The following NHEJ1 variants were observed in gnomAD, a reference collection of about 807,000 sequenced individuals.
NHEJ1 encodes the protein non-homologous end joining factor 1.
A neutral mutation model predicts 39.4 loss-of-function variants in NHEJ1; 22 were observed. The ratio of observed to expected loss-of-function variants is 0.56; its 90% CI spans 0.40 to 0.80. NHEJ1 has a LOEUF of 0.80. NHEJ1 is among the 30% of genes least tolerant of loss of function. The pLI is 0.00. For missense variants in NHEJ1, 329 were observed against 357.1 expected, an observed-to-expected ratio of 0.92 and a Z score of 0.63; for synonymous variants, 154 against 135.6, an observed-to-expected ratio of 1.14 and a Z score of -0.94.
intron 5 of NHEJ1, among the ~76,000 whole-genome samples, chr2:219,120,664 C>T (rs1205478097): frequency 6.6e-6 from 1 of 152,106 alleles, no homozygotes; most frequent in Non-Finnish European, 1.5e-5. Context: ...CCTAGGATTG[C>T]TAGCTTAAAT....
At chr2:219,134,989 G>A (rs951107685) in intron 5 of NHEJ1, among the ~76,000 whole-genome samples, 2 of 138,582 alleles carry the variant, frequency 1.4e-5, no homozygotes, top group African/African-American at 2.7e-5. Context: ...GCAGTGAGCC[G>A]AGATCGTGCC....
rs111883985 is a variant in NHEJ1, at chr2:219,071,494, G to A, written c.*4887C>T. On this transcript the variant is annotated 3_prime_UTR_variant, in exon 8 of 8. Transcript: ENST00000356853. Reference sequence around the variant, plus strand: ...ATTAACCATGTTAGACAACAATGCCGAGCTGGGATGGGCTTCCCCTTCCAG... The same window carrying A: ...ATTAACCATGTTAGACAACAATGCCAAGCTGGGATGGGCTTCCCCTTCCAG... Among the ~76,000 whole-genome samples, 3 of 152,278 alleles carry A rather than the reference G, an allele frequency of 2.0e-5. No homozygotes were observed. Among genetic ancestry groups the A allele is most frequent in the African/African-American group, 4.8e-5 (2 of 41,532 alleles).
In NHEJ1 at chr2:219,105,861, T is replaced by C. The variant is rs185508739; in HGVS notation, c.589-27655A>G. On this transcript the variant is annotated intron_variant, in intron 5 of 7. Transcript: ENST00000356853. ...GGACCTATATTTGCTCTCATTTCGT[T>C]CTATACTGTATTTCAATTCAGTATT... Among the ~76,000 whole-genome samples the C allele has an allele frequency of 4.2e-3, 638 of 152,360 alleles. 5 individuals are homozygous for C. The highest frequency in any genetic ancestry group is 6.6e-3 in the Non-Finnish European group (448 of 68,040).
intron 5 of NHEJ1, among the ~76,000 whole-genome samples, chr2:219,132,827 T>C (rs901363896): frequency 6.6e-6 from 1 of 152,306 alleles, no homozygotes; most frequent in South Asian, 2.1e-4. Context: ...TCAGGTACCA[T>C]ATATATAAAT....
intron 5 of NHEJ1, among the ~76,000 whole-genome samples, chr2:219,146,023 GAGA>G (rs374904500): frequency 2.0e-5 from 3 of 152,118 alleles, no homozygotes; most frequent in African/African-American, 7.2e-5. Flanking sequence ...GGGAGGGAAG[GAGA>G]AGATCAATAT....
At chr2:219,156,898 G>C (rs936372931) in intron 3 of NHEJ1, among the ~76,000 whole-genome samples, 1 of 152,158 alleles carries the variant, frequency 6.6e-6, no homozygotes, top group Non-Finnish European at 1.5e-5. Flanking sequence ...AAACTCATTA[G>C]AATCCTTCAA....
intron 5 of NHEJ1, among the ~76,000 whole-genome samples, chr2:219,110,470 C>T (rs1443845283): frequency 6.6e-6 from 1 of 151,028 alleles, no homozygotes; most frequent in African/African-American, 2.4e-5. Context: ...CTGCAGTGAG[C>T]TGTGTTTGCA....
intron 5 of NHEJ1, among the ~76,000 whole-genome samples, chr2:219,130,577 G>A (rs1413597909): frequency 1.3e-5 from 2 of 152,260 alleles, no homozygotes; most frequent in African/African-American, 2.4e-5. Context: ...AGTTACGAGC[G>A]CTTGGAGAGA....
At chr2:219,115,745 T>G (rs1303004096) in intron 5 of NHEJ1, among the ~76,000 whole-genome samples, 5 of 152,242 alleles carry the variant, frequency 3.3e-5, no homozygotes, top group African/African-American at 7.2e-5. Flanking sequence ...TCATGTGGGC[T>G]GTCTCCGCAT....
At chr2:219,154,620 T>C (rs887200480) in intron 3 of NHEJ1, among the ~76,000 whole-genome samples, 3 of 152,154 alleles carry the variant, frequency 2.0e-5, no homozygotes, top group Non-Finnish European at 4.4e-5. Flanking sequence ...ACTTTTTCCA[T>C]ATAAAGCTCT....
intron 5 of NHEJ1, among the ~76,000 whole-genome samples, chr2:219,121,703 A>G (rs1949472954): frequency 6.6e-6 from 1 of 151,926 alleles, no homozygotes; most frequent in Non-Finnish European, 1.5e-5. Flanking sequence ...TCAGCTGGAC[A>G]TGCTCCTAGC....
chr2:219,074,423 T>C lies in NHEJ1; in HGVS notation c.*1958A>G, dbSNP rs775782297. ...TCCATGTGCCTTGTAGATACTGAAA[T>C]CTGACTATCTAAATTATGCTGAAAA... On this transcript the variant is annotated 3_prime_UTR_variant, in exon 8 of 8. Transcript: ENST00000356853. Among the ~76,000 whole-genome samples the C allele has an allele frequency of 1.3e-5, 2 of 152,076 alleles. No individual in the cohort carries two copies. The highest frequency in any genetic ancestry group is 2.4e-5 in the African/African-American group (1 of 41,398).
In NHEJ1 at chr2:219,076,557, CTTTTTTTTTTTT is replaced by C. The variant is rs778354452; in HGVS notation, c.826-114_826-103del. 8.3e-5 allele frequency: 38 copies of C among 457,734 alleles called. 1 individual carries two copies. The highest frequency in any genetic ancestry group is 6.5e-4 in the Middle Eastern group (1 of 1,542). 28.4% of individuals were successfully genotyped at this position (457,734 alleles called of 1,614,324 possible). A position where few individuals can be genotyped will look rare whatever the true frequency, so the allele number is the denominator to read the frequency against. Reference sequence around the variant, plus strand: ...TCATGGCTCCTGGTTAGGATGAGGCCTTTTTTTTTTTTTTTTTTTTTTTCCACCCAGGCTGGA... The same window carrying C: ...TCATGGCTCCTGGTTAGGATGAGGCCTTTTTTTTTTTCCACCCAGGCTGGA... On this transcript the variant is annotated intron_variant, in intron 7 of 7. Coordinates refer to ENST00000356853, the MANE Select transcript of NHEJ1 (RefSeq NM_024782.3).
chr2:219,120,661 T>C (rs1949463006), intron 5 of NHEJ1, among the ~76,000 whole-genome samples: 1 of 152,180 alleles, frequency 6.6e-6, no homozygotes, highest in Admixed American at 6.5e-5. Flanking sequence ...ATACCTAGGA[T>C]TGCTAGCTTA....
At chr2:219,080,638 AGCTTATATATAT>A (rs1253958744) in intron 5 of NHEJ1, among the ~76,000 whole-genome samples, 2 of 138,322 alleles carry the variant, frequency 1.4e-5, no homozygotes, top group Admixed American at 7.2e-5. Flanking sequence ...AATATATATA[AGCTTATATATAT>A]GCTAATATAT....
intron 5 of NHEJ1, among the ~76,000 whole-genome samples, chr2:219,080,418 G>A (rs1471498786): frequency 6.6e-6 from 1 of 151,820 alleles, no homozygotes. Flanking sequence ...CCAGCTGCTC[G>A]GGAGGCTGAG....
chr2:219,106,400 C>T (rs979367269), intron 5 of NHEJ1, among the ~76,000 whole-genome samples: 1 of 152,144 alleles, frequency 6.6e-6, no homozygotes, highest in African/African-American at 2.4e-5. Flanking sequence ...TAACCTTCTG[C>T]TAACACTGGG....
chr2:219,137,781 T>C (rs1949649564), intron 5 of NHEJ1, among the ~76,000 whole-genome samples: 1 of 152,142 alleles, frequency 6.6e-6, no homozygotes, highest in Non-Finnish European at 1.5e-5. Flanking sequence ...CACATAGTTT[T>C]CAATCAAAGC....
At chr2:219,159,141 G>A (rs1032977266) in intron 1 of NHEJ1, 1 of 152,178 alleles carries the variant, frequency 6.6e-6, no homozygotes, top group Non-Finnish European at 1.5e-5. Flanking sequence ...ACATCACAGA[G>A]GTAAAGACTG....
Sources: gnomAD v4.1 joint callset for allele counts (sites outside exome capture counted in the v4.1 genomes callset) on GRCh38, gnomAD v4.1.1 for gene constraint, MANE v1.5 for transcripts, NCBI Gene and HGNC (gene_info 2026-07-23, HGNC 2026-07-21) for gene names.